Variants in EXOC6B observed in about 807,000 individuals in gnomAD.
EXOC6B encodes the protein SEC15 homolog B.
In EXOC6B, 54 loss-of-function variants were observed where a neutral mutation model predicts 113.5. The ratio of observed to expected loss-of-function variants is 0.48; its 90% CI spans 0.38 to 0.60. The LOEUF is 0.60. Among genes scored for constraint, EXOC6B ranks in the 20% least tolerant of loss-of-function variants. EXOC6B has a pLI of 0.00. For missense variants in EXOC6B, 797 were observed against 977.5 expected, an observed-to-expected ratio of 0.82 and a Z score of 2.46; for synonymous variants, 357 against 339.0, an observed-to-expected ratio of 1.05 and a Z score of -0.58.
chr2:72,365,543 G>C (rs1323576485), intron 19 of EXOC6B, among the ~76,000 whole-genome samples: 1 of 152,112 alleles, frequency 6.6e-6, no homozygotes, highest in African/African-American at 2.4e-5. Context: ...ACAGAACATG[G>C]TTGTCTTACT....
intron 6 of EXOC6B, among the ~76,000 whole-genome samples, chr2:72,681,028 C>T (rs1050754131): frequency 2.0e-5 from 3 of 152,150 alleles, no homozygotes; most frequent in African/African-American, 4.8e-5. Flanking sequence ...CACACACACC[C>T]GCTTACATAC....
At chr2:72,822,320 A>C (rs1456249726) in intron 1 of EXOC6B, among the ~76,000 whole-genome samples, 4 of 152,212 alleles carry the variant, frequency 2.6e-5, no homozygotes, top group Admixed American at 2.6e-4. Flanking sequence ...TTTAAGGTAA[A>C]GACAAAGAGA....
intron 18 of EXOC6B, among the ~76,000 whole-genome samples, chr2:72,390,410 G>A (rs1692302099): frequency 6.6e-6 from 1 of 152,054 alleles, no homozygotes; most frequent in East Asian, 1.9e-4. Flanking sequence ...TGTTTATATG[G>A]ACTGATTTTC....
At chr2:72,712,058 C>T (rs192017776) in intron 6 of EXOC6B, among the ~76,000 whole-genome samples, 2 of 152,262 alleles carry the variant, frequency 1.3e-5, no homozygotes, top group East Asian at 3.9e-4. Context: ...TCCTCAGATT[C>T]GCTAAATGAT....
intron 1 of EXOC6B, among the ~76,000 whole-genome samples, chr2:72,797,838 A>ATTAAT (rs142590533): frequency 2.8e-5 from 4 of 142,962 alleles, no homozygotes; most frequent in African/African-American, 5.1e-5. Context: ...TAATTAATTA[A>ATTAAT]TAATAATAAT....
In EXOC6B at chr2:72,565,883, G is replaced by A. The variant is rs139000503; in HGVS notation, c.847-6362C>T. 1.2e-3 allele frequency among the ~76,000 whole-genome samples: 186 copies of A among 152,164 alleles called. 1 individual carries two copies. Among genetic ancestry groups the A allele is most frequent in the Admixed American group, 6.2e-3 (95 of 15,276 alleles). On this transcript the variant is annotated intron_variant, in intron 7 of 21. Transcript: ENST00000272427. Reference sequence around the variant, plus strand: ...AGAAAATAGTACAACCCCTATGGAGGAGAATTTGACATTATCTAACAAAAT... The same window carrying A: ...AGAAAATAGTACAACCCCTATGGAGAAGAATTTGACATTATCTAACAAAAT...
Position 72,542,339 on chromosome 2 carries a change from C to A in EXOC6B, c.915+17114G>T, listed in dbSNP as rs115881828. Reference sequence around the variant, plus strand: ...TCCCTGAGAAAGTCTTGAATAGGGACAGGCGAAGAGACTGAGCTTCTAGTC... The same window carrying A: ...TCCCTGAGAAAGTCTTGAATAGGGAAAGGCGAAGAGACTGAGCTTCTAGTC... On this transcript the variant is annotated intron_variant, in intron 8 of 21. Coordinates refer to ENST00000272427, the MANE Select transcript of EXOC6B (RefSeq NM_015189.3). Among the ~76,000 whole-genome samples, 747 of 152,220 alleles carry A rather than the reference C, an allele frequency of 4.9e-3. 11 individuals carry two copies. The highest frequency in any genetic ancestry group is 0.017 in the African/African-American group (694 of 41,528).
At chr2:72,493,270 C>G (rs1318858254) in intron 15 of EXOC6B, among the ~76,000 whole-genome samples, 1 of 151,010 alleles carries the variant, frequency 6.6e-6, no homozygotes, top group Non-Finnish European at 1.5e-5. Context: ...GACTTCGCCT[C>G]TCTGATGAGT....
intron 7 of EXOC6B, among the ~76,000 whole-genome samples, chr2:72,565,741 G>C (rs1704133288): frequency 6.6e-6 from 1 of 152,074 alleles, no homozygotes; most frequent in Admixed American, 6.5e-5. Context: ...ACTACAAAGA[G>C]ATATGTTTCT....
chr2:72,690,213 A>G (rs767421337), intron 6 of EXOC6B, among the ~76,000 whole-genome samples: 3 of 152,252 alleles, frequency 2.0e-5, no homozygotes, highest in Non-Finnish European at 4.4e-5. Context: ...GTACATGATA[A>G]CTAAGGATAG....
chr2:72,418,935 G>A (rs980107337), intron 18 of EXOC6B, among the ~76,000 whole-genome samples: 9 of 151,944 alleles, frequency 5.9e-5, no homozygotes, highest in Middle Eastern at 3.4e-3. Flanking sequence ...TAATTTTTTT[G>A]TAGTGAAATA....
rs73945616 is a variant in EXOC6B, at chr2:72,725,922, G to A, written c.464+5085C>T. On this transcript the variant is annotated intron_variant, in intron 5 of 21. Transcript: ENST00000272427. ...AAAGCATATGCTCACACAAAAGCTTGTAAATGAACATTTGTAGCAGCATTA... is the reference window on the plus strand; with the variant it reads ...AAAGCATATGCTCACACAAAAGCTTATAAATGAACATTTGTAGCAGCATTA... 4.5e-3 allele frequency among the ~76,000 whole-genome samples: 689 copies of A among 152,288 alleles called. 11 individuals are homozygous for A. Among genetic ancestry groups the A allele is most frequent in the African/African-American group, 0.015 (643 of 41,544 alleles).
In EXOC6B at chr2:72,496,473, T is replaced by C. The variant is rs1191110424; in HGVS notation, c.1424A>G (p.Gln475Arg). Residue 475 changes from glutamine to arginine, a missense_variant, in exon 14 of 22, where the codon CAA (glutamine) becomes CGA (arginine). Transcript: ENST00000272427. ...CCTTACCTTTTCCAGTTCTATATCTTGAAATGGGAATTGTCCTACCACCTT... is the reference window on the plus strand; with the variant it reads ...CCTTACCTTTTCCAGTTCTATATCTCGAAATGGGAATTGTCCTACCACCTT... ...YKKVVGQFPFQDIELEKQPFP... is the reference protein window; with the variant it reads ...YKKVVGQFPFRDIELEKQPFP... The C allele has an allele frequency of 6.3e-7, 1 of 1,593,282 alleles. No homozygotes were observed. Among genetic ancestry groups the C allele is most frequent in the Admixed American group, 1.7e-5 (1 of 58,366 alleles).
chr2:72,403,521 T>C (rs565282107), intron 18 of EXOC6B, among the ~76,000 whole-genome samples: 1 of 151,944 alleles, frequency 6.6e-6, no homozygotes, highest in Non-Finnish European at 1.5e-5. Context: ...ACCTCATCTC[T>C]ACAAAAATAA....
intron 6 of EXOC6B, among the ~76,000 whole-genome samples, chr2:72,686,191 CTTCTT>C: frequency 6.6e-6 from 1 of 152,250 alleles, no homozygotes; most frequent in Non-Finnish European, 1.5e-5. Flanking sequence ...AAGAGTTTTT[CTTCTT>C]TTAAGTTCCA....
chr2:72,558,919 A>G (rs1703729001), intron 8 of EXOC6B, among the ~76,000 whole-genome samples: 1 of 152,148 alleles, frequency 6.6e-6, no homozygotes, highest in South Asian at 2.1e-4. Flanking sequence ...TCTCTCACCA[A>G]TTTGTCTTGG....
intron 20 of EXOC6B, among the ~76,000 whole-genome samples, chr2:72,314,667 G>A (rs1472542352): frequency 6.6e-6 from 1 of 152,102 alleles, no homozygotes; most frequent in Non-Finnish European, 1.5e-5. Flanking sequence ...AGAAAGGTAT[G>A]GAGTTTATAT....
intron 6 of EXOC6B, among the ~76,000 whole-genome samples, chr2:72,646,288 G>A (rs1446819366): frequency 7.0e-6 from 1 of 142,072 alleles, no homozygotes; most frequent in East Asian, 2.3e-4. Flanking sequence ...CTCTGAAATT[G>A]AGGCAATAAT....
chr2:72,680,560 G>A lies in EXOC6B; in HGVS notation c.669+37543C>T, dbSNP rs541704333. Among the ~76,000 whole-genome samples the A allele has an allele frequency of 5.9e-4, 90 of 152,188 alleles. 1 individual carries two copies. Among genetic ancestry groups the A allele is most frequent in the African/African-American group, 2.1e-3 (86 of 41,536 alleles). ...TTGAGACCAGCCTAGCCAACATGGT[G>A]AAACCCCATCTCTATTAAAACTACA... On this transcript the variant is annotated intron_variant, in intron 6 of 21. Transcript: ENST00000272427.
Sources: gnomAD v4.1 joint callset for allele counts (sites outside exome capture counted in the v4.1 genomes callset) on GRCh38, gnomAD v4.1.1 for gene constraint, MANE v1.5 for transcripts, NCBI Gene and HGNC (gene_info 2026-07-23, HGNC 2026-07-21) for gene names.